The following DOK6 variants were observed in gnomAD, a reference collection of about 807,000 sequenced individuals.
DOK6 encodes downstream of tyrosine kinase 6.
Under a neutral mutation model 44.0 loss-of-function variants are expected in DOK6, and 22 were observed. The observed-to-expected ratio is 0.50, with a 90% CI of 0.36 to 0.71. DOK6 has a LOEUF of 0.71. Among genes scored for constraint, DOK6 ranks in the 30% least tolerant of loss-of-function variants. The pLI, the probability that DOK6 is intolerant of heterozygous loss-of-function variation, is 0.00. For synonymous variants in DOK6, 166 were observed against 145.5 expected (o/e 1.14, Z -1.01); for missense variants, 340 against 416.4 (o/e 0.82, Z 1.60).
chr18:69,808,906 CA>C (rs1210762740), intron 7 of DOK6, among the ~76,000 whole-genome samples: 1 of 151,700 alleles, frequency 6.6e-6, no homozygotes, highest in Non-Finnish European at 1.5e-5. Flanking sequence ...GTCACTCTTC[CA>C]AAACATAGAA....
At chr18:69,586,973 G>C (rs1222660335) in intron 2 of DOK6, among the ~76,000 whole-genome samples, 1 of 152,166 alleles carries the variant, frequency 6.6e-6, no homozygotes, top group Non-Finnish European at 1.5e-5. Context: ...AGGTGACACT[G>C]AATAAGCAGG....
chr18:69,687,073 A>T (rs1394047024), intron 4 of DOK6, among the ~76,000 whole-genome samples: 3 of 152,218 alleles, frequency 2.0e-5, no homozygotes, highest in African/African-American at 7.2e-5. Flanking sequence ...TTATGAGGTC[A>T]CTATAACCCA....
chr18:69,564,605 G>A lies in DOK6; in HGVS notation c.174+11G>A. The A allele has an allele frequency of 1.3e-6, 2 of 1,597,486 alleles. No homozygotes were observed. The highest frequency in any genetic ancestry group is 1.7e-6 in the Non-Finnish European group (2 of 1,169,428). On this transcript the variant is annotated intron_variant, in intron 2 of 7. Transcript: ENST00000382713. ...AGAAACTTTCATAAGGTAAGTCACAGTCCTGGGAGTCCCTGGGGAATAACT... is the reference window on the plus strand; with the variant it reads ...AGAAACTTTCATAAGGTAAGTCACAATCCTGGGAGTCCCTGGGGAATAACT...
intron 5 of DOK6, among the ~76,000 whole-genome samples, chr18:69,731,253 A>G (rs1978391526): frequency 6.6e-6 from 1 of 152,192 alleles, no homozygotes; most frequent in South Asian, 2.1e-4. Context: ...AAATGCATAT[A>G]TATGAGAACA....
intron 1 of DOK6, among the ~76,000 whole-genome samples, chr18:69,540,247 C>T (rs1338632120): frequency 1.3e-5 from 2 of 152,124 alleles, no homozygotes; most frequent in African/African-American, 4.8e-5. Context: ...AGAGATGCCA[C>T]CTTTATCATC....
intron 1 of DOK6, among the ~76,000 whole-genome samples, chr18:69,518,799 C>T (rs531593696): frequency 6.6e-6 from 1 of 152,084 alleles, no homozygotes; most frequent in South Asian, 2.1e-4. Context: ...GGAAGGAATC[C>T]AATAGAAGAT....
At chr18:69,513,635 A>G (rs1012209305) in intron 1 of DOK6, among the ~76,000 whole-genome samples, 3 of 152,244 alleles carry the variant, frequency 2.0e-5, no homozygotes, top group Non-Finnish European at 4.4e-5. Context: ...AAAATCTTGC[A>G]TAATGGAGAG....
chr18:69,776,435 A>C (rs976850229), intron 7 of DOK6, among the ~76,000 whole-genome samples: 1 of 152,060 alleles, frequency 6.6e-6, no homozygotes, highest in Non-Finnish European at 1.5e-5. Flanking sequence ...CAATAAGGGA[A>C]CTTATTACAT....
At chr18:69,497,501 C>G (rs1260617852) in intron 1 of DOK6, among the ~76,000 whole-genome samples, 1 of 152,142 alleles carries the variant, frequency 6.6e-6, no homozygotes, top group Non-Finnish European at 1.5e-5. Flanking sequence ...CTGACTTGGT[C>G]TGTGGAACGG....
intron 7 of DOK6, among the ~76,000 whole-genome samples, chr18:69,809,584 A>ACACG (rs1380150773): frequency 6.6e-6 from 1 of 151,118 alleles, no homozygotes; most frequent in African/African-American, 2.4e-5. Flanking sequence ...ACACACACAC[A>ACACG]CACACACACA....
chr18:69,694,468 T>C (rs1239901585), intron 4 of DOK6, among the ~76,000 whole-genome samples: 1 of 146,224 alleles, frequency 6.8e-6, no homozygotes, highest in Non-Finnish European at 1.5e-5. Context: ...ATAGCATAAT[T>C]ATATATTTAT....
intron 5 of DOK6, among the ~76,000 whole-genome samples, chr18:69,700,356 T>C (rs1448579879): frequency 4.0e-5 from 6 of 151,864 alleles, no homozygotes; most frequent in Non-Finnish European, 8.8e-5. Context: ...CCTATCTTCC[T>C]CTTTCTATGG....
chr18:69,677,831 A>C lies in DOK6; in HGVS notation c.387A>C (p.Ala129=). 1 of 1,613,678 alleles carries C rather than the reference A, an allele frequency of 6.2e-7. No homozygotes were observed. The highest frequency in any genetic ancestry group is 1.1e-5 in the South Asian group (1 of 91,068). Residue 129 remains alanine (A), a synonymous_variant, in exon 4 of 8, where the codon GCA becomes GCC. Coordinates refer to ENST00000382713, the MANE Select transcript of DOK6 (RefSeq NM_152721.6). ...ISLGEPDLLA[A]GVQREQNERF... ...TTGGGGAGCCCGACCTTCTGGCCGC[A>C]GGAGTGCAGCGGGAACAGAATGGTA...
intron 1 of DOK6, among the ~76,000 whole-genome samples, chr18:69,459,648 T>A (rs1401940988): frequency 6.6e-6 from 1 of 152,234 alleles, no homozygotes; most frequent in Non-Finnish European, 1.5e-5. Context: ...CTTCTGTTTC[T>A]GTATTTATAT....
At chr18:69,577,912 T>C (rs1446755142) in intron 2 of DOK6, among the ~76,000 whole-genome samples, 1 of 152,154 alleles carries the variant, frequency 6.6e-6, no homozygotes, top group Non-Finnish European at 1.5e-5. Flanking sequence ...GGCTTAATAA[T>C]GCCGTGGAAA....
chr18:69,450,894 A>G (rs1212035338), intron 1 of DOK6, among the ~76,000 whole-genome samples: 4 of 150,706 alleles, frequency 2.7e-5, no homozygotes, highest in African/African-American at 4.9e-5. Context: ...CTGCCCTAAA[A>G]GAGCTCCTGA....
intron 7 of DOK6, among the ~76,000 whole-genome samples, chr18:69,838,233 A>AC: frequency 7.6e-6 from 1 of 131,178 alleles, no homozygotes; most frequent in East Asian, 2.4e-4. Context: ...TATGTCTAAA[A>AC]CTTTAAAAAA....
intron 2 of DOK6, among the ~76,000 whole-genome samples, chr18:69,587,585 A>G (rs1983532777): frequency 6.6e-6 from 1 of 152,170 alleles, no homozygotes; most frequent in South Asian, 2.1e-4. Context: ...GCAACCCATT[A>G]CAATAATGAA....
intron 3 of DOK6, among the ~76,000 whole-genome samples, chr18:69,634,339 C>T (rs924588546): frequency 6.6e-6 from 1 of 152,094 alleles, no homozygotes; most frequent in African/African-American, 2.4e-5. Flanking sequence ...TTTTGTACAC[C>T]ATTTTAAAGT....
Sources: gnomAD v4.1 joint callset for allele counts (sites outside exome capture counted in the v4.1 genomes callset) on GRCh38, gnomAD v4.1.1 for gene constraint, MANE v1.5 for transcripts, NCBI Gene and HGNC (gene_info 2026-07-23, HGNC 2026-07-21) for gene names.